Variants in FOXP2 observed in about 807,000 individuals in gnomAD.
The protein encoded by FOXP2 is forkhead box P2, also known as forkhead box protein P2.
In FOXP2, 12 loss-of-function variants were observed where a neutral mutation model predicts 115.8. That is an observed-to-expected ratio of 0.10 (90% CI 0.07 to 0.17). FOXP2 has a LOEUF of 0.17. FOXP2 is among the 10% of genes least tolerant of loss of function. The pLI is 1.00. For missense variants in FOXP2, 629 were observed against 843.5 expected, an observed-to-expected ratio of 0.75 and a Z score of 3.15; for synonymous variants, 328 against 297.7, an observed-to-expected ratio of 1.10 and a Z score of -1.05.
At chr7:114,628,733 T>A (rs1804730036) in intron 4 of FOXP2, 56 bp downstream of exon 4, 1 of 1,607,400 alleles carries the variant, frequency 6.2e-7, no homozygotes, top group African/African-American at 1.3e-5. Flanking sequence ...TGTGCACTTA[T>A]TTTGAAAGTG....
chr7:114,545,419 T>C (rs548688134), intron 3 of FOXP2, among the ~76,000 whole-genome samples: 174 of 152,344 alleles, frequency 1.1e-3, no homozygotes, highest in Non-Finnish European at 1.6e-3. Context: ...TCCAACAATA[T>C]TGTCAGAATT....
At chr7:114,584,158 C>T (rs1802007861) in intron 3 of FOXP2, among the ~76,000 whole-genome samples, 1 of 152,122 alleles carries the variant, frequency 6.6e-6, no homozygotes. Flanking sequence ...AAACTCAGGG[C>T]TCTCTGACTC....
chr7:114,581,106 C>CACAT (rs1384240735), intron 3 of FOXP2, among the ~76,000 whole-genome samples: 1 of 151,226 alleles, frequency 6.6e-6, no homozygotes, highest in African/African-American at 2.4e-5. Flanking sequence ...CACACACACA[C>CACAT]AAGCACACGG....
At position 114,143,931 on chromosome 7, in the gene FOXP2, T is replaced by C. The variant is rs137875408; in HGVS notation, c.-246-19013T>C. Among the ~76,000 whole-genome samples the C allele has an allele frequency of 1.6e-3, 244 of 152,216 alleles. 1 individual carries two copies. The highest frequency in any genetic ancestry group is 5.4e-3 in the African/African-American group (226 of 41,540). On this transcript the variant is annotated intron_variant, in intron 1 of 19. Coordinates refer to the FOXP2 transcript ENST00000635638. Reference sequence around the variant, plus strand: ...ATGGTATGAAACCATCCCTGACTTATGATGGTTTGACTTATAATTTTCTGA... The same window carrying C: ...ATGGTATGAAACCATCCCTGACTTACGATGGTTTGACTTATAATTTTCTGA...
chr7:114,303,450 TAGA>T (rs1225474903), intron 2 of FOXP2, among the ~76,000 whole-genome samples: 29 of 152,186 alleles, frequency 1.9e-4, no homozygotes, highest in Admixed American at 3.9e-4. Flanking sequence ...GTGATGTTAG[TAGA>T]AGGCTTGTTT....
At chr7:114,170,225 C>T (rs2129152660) in intron 1 of FOXP2, among the ~76,000 whole-genome samples, 1 of 152,264 alleles carries the variant, frequency 6.6e-6, no homozygotes, top group East Asian at 1.9e-4. Flanking sequence ...GGCCCAGAAA[C>T]TGGATCCATG....
chr7:114,149,823 T>A (rs1792483541), intron 1 of FOXP2, among the ~76,000 whole-genome samples: 3 of 152,076 alleles, frequency 2.0e-5, no homozygotes, highest in Non-Finnish European at 4.4e-5. Context: ...TGAGTTGAAT[T>A]TTTTTCCTTT....
In FOXP2 at chr7:114,690,116, TC is replaced by T. The variant is rs759159129; in HGVS notation, c.*191del. On this transcript the variant is annotated 3_prime_UTR_variant, in exon 17 of 17. Coordinates refer to ENST00000350908, the MANE Select transcript of FOXP2 (RefSeq NM_014491.4). ...CCAACAGGCAAATTGCTTGTTTTCT[TC>T]TTCTTCTTCTTCTTTTTTTTTTTTT... 3.2e-6 allele frequency: 2 copies of T among 623,328 alleles called. No individual in the cohort carries two copies. The highest frequency in any genetic ancestry group is 3.4e-5 in the South Asian group (2 of 58,752). The allele number at this position is 623,328 out of a possible 1,614,324, so 38.6% of individuals were successfully genotyped here.
At chr7:114,332,041 C>A (rs1383523023) in intron 2 of FOXP2, among the ~76,000 whole-genome samples, 1 of 152,072 alleles carries the variant, frequency 6.6e-6, no homozygotes, top group African/African-American at 2.4e-5. Context: ...AAATTACTAA[C>A]ATACTATGAT....
intron 1 of FOXP2, among the ~76,000 whole-genome samples, chr7:114,113,785 G>A (rs1791334894): frequency 6.6e-6 from 1 of 151,994 alleles, no homozygotes; most frequent in Non-Finnish European, 1.5e-5. Context: ...TTAAGGTGTG[G>A]GCCACCACTC....
intron 2 of FOXP2, among the ~76,000 whole-genome samples, chr7:114,454,806 G>T (rs1795226294): frequency 7.7e-6 from 1 of 130,580 alleles, no homozygotes; most frequent in Non-Finnish European, 1.6e-5. Context: ...ACTCATAGGT[G>T]GGAATTGAAC....
chr7:114,625,895 C>A (rs1253319262), intron 3 of FOXP2, among the ~76,000 whole-genome samples: 1 of 151,324 alleles, frequency 6.6e-6, no homozygotes, highest in East Asian at 1.9e-4. Context: ...GTTTTTCTAC[C>A]TATATAATTA....
intron 2 of FOXP2, among the ~76,000 whole-genome samples, chr7:114,449,142 T>C (rs570070475): frequency 6.6e-6 from 1 of 152,172 alleles, no homozygotes; most frequent in African/African-American, 2.4e-5. Flanking sequence ...TAGAACTATA[T>C]ATATGTGTTT....
chr7:114,213,347 A>G (rs1304266014), intron 1 of FOXP2, among the ~76,000 whole-genome samples: 1 of 152,230 alleles, frequency 6.6e-6, no homozygotes, highest in Non-Finnish European at 1.5e-5. Flanking sequence ...TTTTAAAACA[A>G]TAACTGTACA....
intron 1 of FOXP2, among the ~76,000 whole-genome samples, chr7:114,146,291 A>G (rs191967829): frequency 8.1e-4 from 123 of 152,322 alleles, no homozygotes; most frequent in African/African-American, 2.8e-3. Flanking sequence ...CGTTCCAATA[A>G]TGGAACACTA....
upstream of FOXP2, among the ~76,000 whole-genome samples, chr7:114,158,711 C>A (rs1233649007): frequency 1.3e-5 from 2 of 152,026 alleles, no homozygotes; most frequent in Non-Finnish European, 2.9e-5. Flanking sequence ...CGACTACATG[C>A]AAAAATTTTT....
intron 1 of FOXP2, among the ~76,000 whole-genome samples, chr7:114,415,906 G>C (rs1480679162): frequency 6.6e-6 from 1 of 151,894 alleles, no homozygotes; most frequent in East Asian, 1.9e-4. Flanking sequence ...TTATATGCAT[G>C]TTCATGATTT....
chr7:114,106,792 T>A (rs1441053106), intron 1 of FOXP2, among the ~76,000 whole-genome samples: 3 of 152,064 alleles, frequency 2.0e-5, no homozygotes, highest in African/African-American at 7.2e-5. Flanking sequence ...GGCTATTAGA[T>A]GTGGCAAAAC....
At chr7:114,100,112 T>A (rs936566610) in intron 1 of FOXP2, among the ~76,000 whole-genome samples, 2 of 152,182 alleles carry the variant, frequency 1.3e-5, no homozygotes, top group Non-Finnish European at 2.9e-5. Context: ...TTGAAAAAAA[T>A]TAATTGATAC....
Sources: gnomAD v4.1 joint callset for allele counts (sites outside exome capture counted in the v4.1 genomes callset) on GRCh38, gnomAD v4.1.1 for gene constraint, MANE v1.5 for transcripts, NCBI Gene and HGNC (gene_info 2026-07-23, HGNC 2026-07-21) for gene names.